The following BAHD1 variants were observed in gnomAD, a reference collection of about 807,000 sequenced individuals.
BAHD1 encodes bromo adjacent homology domain-containing 1 protein.
A neutral mutation model predicts 63.1 loss-of-function variants in BAHD1; 20 were observed. The ratio of observed to expected loss-of-function variants is 0.32; its 90% CI spans 0.22 to 0.46. BAHD1 has a LOEUF of 0.46. Among genes scored for constraint, BAHD1 ranks in the 20% least tolerant of loss-of-function variants. BAHD1 has a pLI of 1.00. For missense variants in BAHD1, 939 were observed against 1,071.8 expected (o/e 0.88, Z 1.73); for synonymous variants, 408 against 426.8 (o/e 0.96, Z 0.54).
chr15:40,449,359 T>C (rs1372474167), intron 1 of BAHD1, among the ~76,000 whole-genome samples: 1 of 152,224 alleles, frequency 6.6e-6, no homozygotes, highest in Non-Finnish European at 1.5e-5. Context: ...CTAACTTTAG[T>C]TCTTTGCTCC....
intron 1 of BAHD1, among the ~76,000 whole-genome samples, chr15:40,457,093 T>C (rs1893870649): frequency 1.3e-5 from 2 of 152,208 alleles, no homozygotes; most frequent in African/African-American, 2.4e-5. Context: ...GCATTTTCTG[T>C]CAGGGGCTCT....
In BAHD1 at chr15:40,466,208, T is replaced by G; in HGVS notation, c.*78T>G. On this transcript the variant is annotated 3_prime_UTR_variant, in exon 7 of 7. Coordinates refer to ENST00000416165, the MANE Select transcript of BAHD1 (RefSeq NM_014952.5). ...GGGGCACTGCTTGAAGCACAGCACT[T>G]GGTTAGGGGGCCACAGAGGCCTAAG... 5.1e-6 allele frequency: 6 copies of G among 1,180,876 alleles called. No individual in the cohort carries two copies. The highest frequency in any genetic ancestry group is 5.6e-6 in the Non-Finnish European group (5 of 891,340). 73.1% of individuals were successfully genotyped at this position (1,180,876 alleles called of 1,614,324 possible). A position where few individuals can be genotyped will look rare whatever the true frequency, so the allele number is the denominator to read the frequency against.
chr15:40,463,555 C>T (rs544044772), intron 3 of BAHD1, among the ~76,000 whole-genome samples: 31 of 152,296 alleles, frequency 2.0e-4, no homozygotes, highest in Middle Eastern at 3.4e-3. Context: ...AGACTTGTTC[C>T]ATTAGGAAGC....
rs1894202351 is a variant in BAHD1 at position 40,466,243 on chromosome 15, C to T, written c.*113C>T. ...GCCACAGAGGCCTAAGTTTGCTGGCCTGTGGTTTTCTTGGGGGGGAGGGCA... is the reference window on the plus strand; with the variant it reads ...GCCACAGAGGCCTAAGTTTGCTGGCTTGTGGTTTTCTTGGGGGGGAGGGCA... On this transcript the variant is annotated 3_prime_UTR_variant, in exon 7 of 7. Transcript: ENST00000416165. The T allele has an allele frequency of 1.3e-5, 12 of 929,368 alleles. No homozygotes were observed. The highest frequency in any genetic ancestry group is 9.5e-5 in the South Asian group (5 of 52,846). The allele number at this position is 929,368 out of a possible 1,614,324, so 57.6% of individuals were successfully genotyped here. A position where few individuals can be genotyped will look rare whatever the true frequency, so the allele number is the denominator to read the frequency against.
At chr15:40,460,758 C>T (rs1394075702) in intron 2 of BAHD1, among the ~76,000 whole-genome samples, 2 of 152,088 alleles carry the variant, frequency 1.3e-5, no homozygotes, top group Non-Finnish European at 2.9e-5. Flanking sequence ...GAGGGCTGGA[C>T]CTTCCAGATC....
At chr15:40,439,396 C>G (rs1298230815), upstream of BAHD1, among the ~76,000 whole-genome samples, 2 of 152,218 alleles carry the variant, frequency 1.3e-5, no homozygotes, top group Non-Finnish European at 2.9e-5. Context: ...GCTAGCAGCC[C>G]TGATTGTCTT....
intron 3 of BAHD1, among the ~76,000 whole-genome samples, chr15:40,462,865 C>T (rs1894092989): frequency 2.0e-5 from 3 of 151,416 alleles, no homozygotes; most frequent in Admixed American, 6.6e-5. Context: ...GTGGTGTGCA[C>T]CAGGAGGCTG....
At chr15:40,437,624 G>A (rs1315314643), upstream of BAHD1, among the ~76,000 whole-genome samples, 3 of 152,206 alleles carry the variant, frequency 2.0e-5, no homozygotes, top group Non-Finnish European at 4.4e-5. Context: ...TGCTCTGGGG[G>A]TTGGGACAGG....
chr15:40,459,973 A>G, intron 2 of BAHD1, 77 bp downstream of exon 2: 1 of 1,465,772 alleles, frequency 6.8e-7, no homozygotes, highest in Non-Finnish European at 9.0e-7. Flanking sequence ...TGTTGATCTG[A>G]GCAGGGGTCT....
At chr15:40,453,468 T>G (rs2141499945) in intron 1 of BAHD1, 1 of 152,354 alleles carries the variant, frequency 6.6e-6, no homozygotes, top group African/African-American at 2.4e-5. Context: ...GTTTTATTCC[T>G]TTCATGGATG....
Position 40,466,626 on chromosome 15 carries a change from T to G in BAHD1, c.*496T>G, listed in dbSNP as rs1894218596. ...CTAGATCCCAGCACAGCTCTGAGCTTGTTCCTTTGAGGCATAGAGAGCCAG... is the reference window on the plus strand; with the variant it reads ...CTAGATCCCAGCACAGCTCTGAGCTGGTTCCTTTGAGGCATAGAGAGCCAG... On this transcript the variant is annotated 3_prime_UTR_variant, in exon 7 of 7. Coordinates refer to ENST00000416165, the MANE Select transcript of BAHD1 (RefSeq NM_014952.5). 6.5e-6 allele frequency: 1 copy of G among 153,626 alleles called. No individual in the cohort carries two copies. Among genetic ancestry groups the G allele is most frequent in the Non-Finnish European group, 1.5e-5 (1 of 68,754 alleles). 9.5% of individuals were successfully genotyped at this position (153,626 alleles called of 1,614,324 possible).
At chr15:40,454,537 G>C (rs1893795053) in intron 1 of BAHD1, 3 of 152,158 alleles carry the variant, frequency 2.0e-5, no homozygotes, top group Non-Finnish European at 4.4e-5. Flanking sequence ...TGGGTCTTTG[G>C]CCTGGATGTC....
chr15:40,444,361 T>G (rs1893479044), intron 1 of BAHD1, among the ~76,000 whole-genome samples: 1 of 152,176 alleles, frequency 6.6e-6, no homozygotes. Context: ...TTCTAATATT[T>G]CTGCTGGTGA....
chr15:40,465,123 A>T, intron 5 of BAHD1: 1 of 581,340 alleles, frequency 1.7e-6, no homozygotes, highest in South Asian at 2.0e-5. Flanking sequence ...TAGAGCAGAT[A>T]CCTGGCTATT....
At chr15:40,440,741 C>G (rs1221380250), upstream of BAHD1, among the ~76,000 whole-genome samples, 1 of 152,156 alleles carries the variant, frequency 6.6e-6, no homozygotes, top group Non-Finnish European at 1.5e-5. Flanking sequence ...CGCACCGCCT[C>G]CCCCGGCCGC....
chr15:40,442,186 G>A (rs1893423003), intron 1 of BAHD1, among the ~76,000 whole-genome samples: 1 of 151,936 alleles, frequency 6.6e-6, no homozygotes, highest in Non-Finnish European at 1.5e-5. Flanking sequence ...GCGGTGAAGC[G>A]CCGGACAAAG....
chr15:40,455,531 C>G (rs778827105), intron 1 of BAHD1, among the ~76,000 whole-genome samples: 60 of 152,184 alleles, frequency 3.9e-4, no homozygotes, highest in Non-Finnish European at 7.2e-4. Flanking sequence ...GACCATCTGC[C>G]CATGCAGCCA....
At chr15:40,440,430 G>C (rs973040373), upstream of BAHD1, among the ~76,000 whole-genome samples, 7 of 152,114 alleles carry the variant, frequency 4.6e-5, no homozygotes, top group South Asian at 6.2e-4. Flanking sequence ...TGGTCTTCCT[G>C]AAGCTTTGCC....
At chr15:40,464,047 A>G (rs768299856) in intron 4 of BAHD1, 27 bp downstream of exon 4, 2 of 1,611,700 alleles carry the variant, frequency 1.2e-6, no homozygotes, top group Non-Finnish European at 1.7e-6. Flanking sequence ...CTGGGGACCC[A>G]AGGGGCAGCT....
Sources: allele counts gnomAD v4.1 joint callset (sites outside exome capture counted in the v4.1 genomes callset), GRCh38; gene constraint gnomAD v4.1.1; transcripts MANE v1.5; gene names NCBI Gene and HGNC (gene_info 2026-07-23, HGNC 2026-07-21).